Variants in ARFIP1 observed in about 807,000 individuals in gnomAD.
ARFIP1 encodes the protein ARF interacting protein 1.
Under a neutral mutation model 42.5 loss-of-function variants are expected in ARFIP1, and 24 were observed. The observed-to-expected ratio is 0.57, with a 90% CI of 0.41 to 0.80. ARFIP1 has a LOEUF of 0.80. Among genes scored for constraint, ARFIP1 ranks in the 30% least tolerant of loss-of-function variants. ARFIP1 has a pLI of 0.00. For synonymous variants in ARFIP1, 141 were observed against 153.7 expected (o/e 0.92, Z 0.61); for missense variants, 354 against 434.0 (o/e 0.82, Z 1.64).
chr4:152,829,788 G>C, intron 2 of ARFIP1, 62 bp downstream of exon 2: 1 of 1,265,582 alleles, frequency 7.9e-7, no homozygotes, highest in East Asian at 2.4e-5. Flanking sequence ...ATGTTGAGAT[G>C]AAAGTAATAG....
chr4:152,796,216 T>G (rs1431904446), intron 1 of ARFIP1: 1 of 830,264 alleles, frequency 1.2e-6, no homozygotes, highest in Non-Finnish European at 2.1e-6. Context: ...CACCCAAAGT[T>G]GTATACAGCG....
At chr4:152,900,085 T>G (rs1380177974) in intron 8 of ARFIP1, among the ~76,000 whole-genome samples, 2 of 151,958 alleles carry the variant, frequency 1.3e-5, no homozygotes, top group East Asian at 3.8e-4. Flanking sequence ...GAAGCTATAT[T>G]GATCACGTCT....
At position 152,910,967 on chromosome 4, in the gene ARFIP1, G is replaced by T. The variant is rs1054836651; in HGVS notation, c.*748G>T. On this transcript the variant is annotated 3_prime_UTR_variant, in exon 9 of 9. Transcript: ENST00000353617. ...TTAAGAGAATTTTTTTTTTTGACAGGTGGACGTGGGAATGGAAATTCTTAA... is the reference window on the plus strand; with the variant it reads ...TTAAGAGAATTTTTTTTTTTGACAGTTGGACGTGGGAATGGAAATTCTTAA... 1.3e-5 allele frequency: 2 copies of T among 152,396 alleles called. No homozygotes were observed. The highest frequency in any genetic ancestry group is 2.9e-5 in the Non-Finnish European group (2 of 67,978). 9.4% of individuals were successfully genotyped at this position (152,396 alleles called of 1,614,324 possible).
At chr4:152,814,092 T>C (rs1373365750) in intron 1 of ARFIP1, among the ~76,000 whole-genome samples, 1 of 16,116 alleles carries the variant, frequency 6.2e-5, no homozygotes, top group Admixed American at 4.3e-4. Context: ...TTCTTTCTTC[T>C]TCTTCTTTTT....
intron 8 of ARFIP1, among the ~76,000 whole-genome samples, chr4:152,893,820 T>C (rs1384328726): frequency 6.6e-6 from 1 of 152,182 alleles, no homozygotes; most frequent in Non-Finnish European, 1.5e-5. Flanking sequence ...TAAAAAAATT[T>C]CTTAAAATTT....
rs149606030 is a variant in ARFIP1 at position 152,848,922 on chromosome 4, C to T, written c.94-14684C>T. On this transcript the variant is annotated intron_variant, in intron 2 of 8. Coordinates refer to ENST00000353617, the MANE Select transcript of ARFIP1 (RefSeq NM_001025595.3). ...CTCACACATAAAAAATGTAGTAGCT[C>T]GGTCAATGGCAATAATGATTTGATG... Among the ~76,000 whole-genome samples, 191 of 152,212 alleles carry T rather than the reference C, an allele frequency of 1.3e-3. 1 individual carries two copies. Among genetic ancestry groups the T allele is most frequent in the African/African-American group, 3.9e-3 (162 of 41,532 alleles).
intron 5 of ARFIP1, among the ~76,000 whole-genome samples, chr4:152,877,761 T>G (rs1437934811): frequency 6.6e-6 from 1 of 152,110 alleles, no homozygotes; most frequent in Non-Finnish European, 1.5e-5. Context: ...TGGGGGCCGG[T>G]CTTGTCTGTG....
chr4:152,852,467 C>T (rs914334606), intron 2 of ARFIP1, among the ~76,000 whole-genome samples: 6 of 152,028 alleles, frequency 3.9e-5, no homozygotes, highest in African/African-American at 1.4e-4. Flanking sequence ...CCTGTCTCTA[C>T]TAAAATACAA....
intron 8 of ARFIP1, among the ~76,000 whole-genome samples, chr4:152,889,820 CTA>C (rs1356861882): frequency 9.5e-6 from 1 of 105,530 alleles, no homozygotes. Flanking sequence ...TATATATATA[CTA>C]TATATACTAT....
chr4:152,855,161 G>A (rs1170852283), intron 2 of ARFIP1, among the ~76,000 whole-genome samples: 1 of 152,170 alleles, frequency 6.6e-6, no homozygotes, highest in African/African-American at 2.4e-5. Flanking sequence ...CAGCTGAGGT[G>A]GTAGCAGCTG....
intron 3 of ARFIP1, among the ~76,000 whole-genome samples, chr4:152,867,614 C>T (rs994073633): frequency 6.6e-6 from 1 of 152,084 alleles, no homozygotes; most frequent in African/African-American, 2.4e-5. Context: ...AATTATTTAG[C>T]TGGCATTTTT....
intron 5 of ARFIP1, among the ~76,000 whole-genome samples, chr4:152,878,925 T>G (rs535968611): frequency 6.6e-6 from 1 of 152,208 alleles, no homozygotes; most frequent in Non-Finnish European, 1.5e-5. Flanking sequence ...AAAACCCTGG[T>G]GTGGAAGAAA....
intron 1 of ARFIP1, among the ~76,000 whole-genome samples, chr4:152,801,817 C>G (rs937456404): frequency 1.3e-5 from 2 of 152,036 alleles, no homozygotes; most frequent in Admixed American, 1.3e-4. Flanking sequence ...AATCAGTGTG[C>G]TATAATTTTA....
intron 1 of ARFIP1, among the ~76,000 whole-genome samples, chr4:152,815,250 A>C (rs1729774033): frequency 6.6e-6 from 1 of 152,082 alleles, no homozygotes; most frequent in South Asian, 2.1e-4. Flanking sequence ...TCATTTGCAT[A>C]CTGTCAGTGG....
intron 2 of ARFIP1, among the ~76,000 whole-genome samples, chr4:152,837,501 T>C (rs1731749312): frequency 6.6e-6 from 1 of 152,218 alleles, no homozygotes; most frequent in Non-Finnish European, 1.5e-5. Flanking sequence ...GCGTTGTGGT[T>C]TTGATTTGCA....
At chr4:152,878,256 C>A (rs1735530990) in intron 5 of ARFIP1, among the ~76,000 whole-genome samples, 1 of 152,156 alleles carries the variant, frequency 6.6e-6, no homozygotes, top group South Asian at 2.1e-4. Context: ...TAAGTGATCT[C>A]CATTTTCAGG....
chr4:152,903,409 A>G (rs1738011896), intron 8 of ARFIP1, among the ~76,000 whole-genome samples: 1 of 152,208 alleles, frequency 6.6e-6, no homozygotes, highest in Non-Finnish European at 1.5e-5. Flanking sequence ...CCAAATTGAG[A>G]ACAATTCGCT....
chr4:152,809,333 C>T (rs1479136950), intron 1 of ARFIP1, among the ~76,000 whole-genome samples: 1 of 151,632 alleles, frequency 6.6e-6, no homozygotes, highest in Non-Finnish European at 1.5e-5. Flanking sequence ...TACGAGAGCC[C>T]AAAACTAAAA....
At chr4:152,889,620 A>T (rs946989512) in intron 8 of ARFIP1, among the ~76,000 whole-genome samples, 1 of 129,988 alleles carries the variant, frequency 7.7e-6, no homozygotes, top group African/African-American at 2.9e-5. Context: ...ATATACATAT[A>T]TATACTATAT....
Sources: allele counts gnomAD v4.1 joint callset (sites outside exome capture counted in the v4.1 genomes callset), GRCh38; gene constraint gnomAD v4.1.1; transcripts MANE v1.5; gene names NCBI Gene and HGNC (gene_info 2026-07-23, HGNC 2026-07-21).